The following GNA14 variants were observed in gnomAD, a reference collection of about 807,000 sequenced individuals.
GNA14 encodes the protein guanine nucleotide-binding protein subunit alpha-14.
GNA14 carries 50 observed loss-of-function variants against 42.0 expected under a neutral mutation model. The observed-to-expected ratio is 1.19, with a 90% CI of 0.95 to 1.51. The LOEUF is 1.51. GNA14 is among the 40% of genes most tolerant of loss of function. GNA14 has a pLI of 0.00. For synonymous variants in GNA14, 173 were observed against 163.1 expected (o/e 1.06, Z -0.46); for missense variants, 473 against 446.2 (o/e 1.06, Z -0.54).
chr9:77,435,593 TC>T (rs1835629539), intron 2 of GNA14, among the ~76,000 whole-genome samples: 1 of 152,158 alleles, frequency 6.6e-6, no homozygotes, highest in Admixed American at 6.6e-5. Flanking sequence ...TAATTATTGC[TC>T]TATTACTACA....
chr9:77,572,559 T>A (rs1349224308), intron 1 of GNA14, among the ~76,000 whole-genome samples: 1 of 152,240 alleles, frequency 6.6e-6, no homozygotes, highest in Non-Finnish European at 1.5e-5. Context: ...CTGTGACCTG[T>A]GATCCAGTTT....
chr9:77,559,583 G>A (rs923177029), intron 1 of GNA14, among the ~76,000 whole-genome samples: 6 of 152,268 alleles, frequency 3.9e-5, no homozygotes, highest in Non-Finnish European at 5.9e-5. Flanking sequence ...GCATGGGTGT[G>A]CAAATATGTG....
At chr9:77,498,652 T>C (rs1836915864) in intron 2 of GNA14, among the ~76,000 whole-genome samples, 1 of 152,154 alleles carries the variant, frequency 6.6e-6, no homozygotes, top group Non-Finnish European at 1.5e-5. Context: ...TCATTAGTAG[T>C]TCATGGCTCT....
chr9:77,482,498 C>T (rs1836573656), intron 2 of GNA14, among the ~76,000 whole-genome samples: 1 of 152,146 alleles, frequency 6.6e-6, no homozygotes, highest in South Asian at 2.1e-4. Flanking sequence ...TTTTTTCCTT[C>T]CTTTCAACTT....
chr9:77,501,710 T>TTCC (rs1174629769), intron 2 of GNA14, among the ~76,000 whole-genome samples: 4 of 103,952 alleles, frequency 3.8e-5, no homozygotes, highest in South Asian at 3.2e-4. Flanking sequence ...GATTGGATAA[T>TTCC]TTCTTTTTTT....
chr9:77,518,376 T>C (rs914677921), intron 2 of GNA14, among the ~76,000 whole-genome samples: 7 of 152,134 alleles, frequency 4.6e-5, no homozygotes, highest in Non-Finnish European at 1.0e-4. Flanking sequence ...ATGACCATCA[T>C]GATGATAAAA....
At chr9:77,443,666 C>T (rs111772748) in intron 2 of GNA14, among the ~76,000 whole-genome samples, 1 of 152,190 alleles carries the variant, frequency 6.6e-6, no homozygotes, top group Non-Finnish European at 1.5e-5. Context: ...AAGTTCGTTA[C>T]TTTATCTTTT....
At chr9:77,484,188 ACAAT>A (rs1443842042) in intron 2 of GNA14, among the ~76,000 whole-genome samples, 1 of 152,202 alleles carries the variant, frequency 6.6e-6, no homozygotes, top group Non-Finnish European at 1.5e-5. Context: ...AATTAAAAGA[ACAAT>A]CAATCTAGCT....
chr9:77,519,044 A>G (rs1168767541), intron 2 of GNA14, among the ~76,000 whole-genome samples: 1 of 152,238 alleles, frequency 6.6e-6, no homozygotes, highest in Non-Finnish European at 1.5e-5. Flanking sequence ...AAAAAGAAGC[A>G]TCAGTTATAA....
chr9:77,590,665 C>G (rs996752620), intron 1 of GNA14, among the ~76,000 whole-genome samples: 1 of 151,510 alleles, frequency 6.6e-6, no homozygotes, highest in African/African-American at 2.4e-5. Flanking sequence ...TTTGAAGACC[C>G]GTTCACTCAT....
At chr9:77,532,080 C>T (rs1837537375) in intron 1 of GNA14, among the ~76,000 whole-genome samples, 1 of 152,112 alleles carries the variant, frequency 6.6e-6, no homozygotes, top group South Asian at 2.1e-4. Flanking sequence ...TGCGGAGATC[C>T]TCCACTCTCA....
chr9:77,511,739 C>T (rs1281550025), intron 2 of GNA14, among the ~76,000 whole-genome samples: 2 of 152,148 alleles, frequency 1.3e-5, no homozygotes, highest in African/African-American at 4.8e-5. Flanking sequence ...CCATGTCTGC[C>T]TCTGTCAACA....
At chr9:77,589,971 C>A (rs1002532368) in intron 1 of GNA14, among the ~76,000 whole-genome samples, 2 of 152,092 alleles carry the variant, frequency 1.3e-5, no homozygotes, top group Admixed American at 1.3e-4. Flanking sequence ...GGCTGGAGTG[C>A]AGTGGCGCAA....
intron 2 of GNA14, among the ~76,000 whole-genome samples, chr9:77,460,429 G>C (rs1245464522): frequency 6.6e-6 from 1 of 152,246 alleles, no homozygotes; most frequent in Non-Finnish European, 1.5e-5. Flanking sequence ...CCGACACCTT[G>C]ATTTCTGACT....
chr9:77,437,110 G>T (rs1349477782), intron 2 of GNA14, among the ~76,000 whole-genome samples: 1 of 152,186 alleles, frequency 6.6e-6, no homozygotes, highest in Non-Finnish European at 1.5e-5. Context: ...GTCAAAATCA[G>T]GTTAACGGCT....
intron 1 of GNA14, among the ~76,000 whole-genome samples, chr9:77,572,018 A>G (rs900814153): frequency 1.3e-5 from 2 of 152,124 alleles, no homozygotes; most frequent in Non-Finnish European, 2.9e-5. Context: ...AGCGATTTCA[A>G]TTGAGGAGCA....
intron 2 of GNA14, among the ~76,000 whole-genome samples, chr9:77,490,060 A>G (rs1413246171): frequency 2.0e-5 from 3 of 152,088 alleles, no homozygotes; most frequent in Non-Finnish European, 4.4e-5. Flanking sequence ...TCCCCACCAG[A>G]GCAGCTAGAT....
At chr9:77,479,313 G>C (rs926168235) in intron 2 of GNA14, among the ~76,000 whole-genome samples, 5 of 152,168 alleles carry the variant, frequency 3.3e-5, no homozygotes, top group African/African-American at 1.2e-4. Context: ...TGTCAGGTTT[G>C]TCAAAGATCA....
intron 1 of GNA14, among the ~76,000 whole-genome samples, chr9:77,645,083 T>C (rs770774319): frequency 2.0e-5 from 3 of 152,238 alleles, no homozygotes; most frequent in Non-Finnish European, 2.9e-5. Flanking sequence ...GACCTGTGCT[T>C]TTATTAAGCA....
Sources: gnomAD v4.1 joint callset for allele counts (sites outside exome capture counted in the v4.1 genomes callset) on GRCh38, gnomAD v4.1.1 for gene constraint, MANE v1.5 for transcripts, NCBI Gene and HGNC (gene_info 2026-07-23, HGNC 2026-07-21) for gene names.